Variants in IGF2R observed in about 807,000 individuals in gnomAD.
IGF2R encodes the protein insulin like growth factor 2 receptor.
A neutral mutation model predicts 270.6 loss-of-function variants in IGF2R; 91 were observed. The observed-to-expected ratio is 0.34, with a 90% CI of 0.28 to 0.40. IGF2R has a LOEUF of 0.40. Ranked by LOEUF, IGF2R falls within the 10% of genes least tolerant of loss-of-function variation. The probability of loss-of-function intolerance (pLI) is 1.00; values close to 1 mark genes in which losing one functional copy is unlikely to be tolerated. For synonymous variants in IGF2R, 1,316 were observed against 1,258.9 expected (o/e 1.05, Z -0.96); for missense variants, 2,805 against 3,188.3 (o/e 0.88, Z 2.90).
Position 160,105,105 on chromosome 6 carries a change from A to G in IGF2R, c.*21A>G. On this transcript the variant is annotated 3_prime_UTR_variant, in exon 48 of 48. Coordinates refer to ENST00000356956, the MANE Select transcript of IGF2R (RefSeq NM_000876.4). ...TCTGACTCCGCAGTGCCTGCAGGGGAGCACGGAGCCGCGGGACAGCCAAGC... is the reference window on the plus strand; with the variant it reads ...TCTGACTCCGCAGTGCCTGCAGGGGGGCACGGAGCCGCGGGACAGCCAAGC... 6.6e-7 allele frequency: 1 copy of G among 1,510,644 alleles called. No homozygotes were observed. Among genetic ancestry groups the G allele is most frequent in the Non-Finnish European group, 8.9e-7 (1 of 1,127,646 alleles). 93.6% of individuals were successfully genotyped at this position (1,510,644 alleles called of 1,614,324 possible).
At chr6:160,032,903 A>G in intron 8 of IGF2R, 39 bp from the exon 9 acceptor site, 8 of 1,526,146 alleles carry the variant, frequency 5.2e-6, no homozygotes, top group South Asian at 3.5e-5. Context: ...ACCTATTCAT[A>G]TAAAACAAGC....
chr6:160,033,585 A>G (rs1002783187), intron 9 of IGF2R, among the ~76,000 whole-genome samples: 15 of 152,276 alleles, frequency 9.9e-5, no homozygotes, highest in African/African-American at 3.6e-4. Context: ...TTGTCACTAA[A>G]CAATCAAATG....
intron 1 of IGF2R, among the ~76,000 whole-genome samples, chr6:159,978,764 C>T (rs1035654175): frequency 1.3e-5 from 2 of 152,320 alleles, no homozygotes; most frequent in African/African-American, 4.8e-5. Context: ...CCTGTGACTC[C>T]TCCAGGGTGG....
chr6:160,042,413 G>T (rs527281075), intron 11 of IGF2R, among the ~76,000 whole-genome samples: 2 of 152,298 alleles, frequency 1.3e-5, no homozygotes, highest in African/African-American at 4.8e-5. Context: ...AAATGAGAAC[G>T]TGTATTTTTA....
At chr6:160,073,544 C>T in intron 34 of IGF2R, 75 bp downstream of exon 34, 1 of 1,535,158 alleles carries the variant, frequency 6.5e-7, no homozygotes. Context: ...GTCAGGTTCA[C>T]TTGCCCACTA....
Position 160,063,364 on chromosome 6 carries a change from T to G in IGF2R, c.3671-51T>G, listed in dbSNP as rs1260815383. 3 of 1,392,222 alleles carry G rather than the reference T, an allele frequency of 2.2e-6. No individual in the cohort carries two copies. In the South Asian group the frequency reaches 3.5e-5, roughly 16 times the overall value. 86.2% of individuals were successfully genotyped at this position (1,392,222 alleles called of 1,614,324 possible). On this transcript the variant is annotated intron_variant, in intron 26 of 47. Coordinates refer to ENST00000356956, the MANE Select transcript of IGF2R (RefSeq NM_000876.4). ...TTGTAAAGCTTTTTGCTTGAAAATG[T>G]GAATGCGTGTGTGGTTGCAGTTGCC...
At position 160,071,966 on chromosome 6, in the gene IGF2R, G is replaced by T; in HGVS notation, c.4500G>T (p.Trp1500Cys). Residue 1500 changes from tryptophan to cysteine, a missense_variant, in exon 32 of 48, where the codon TGG becomes TGT. Trp to Cys is a radical substitution (Grantham distance 215). Around this residue, in one of 2 missense-constraint regions of IGF2R, gnomAD observed 1,851 missense variants for 2,207.2 expected, o/e 0.84. Transcript: ENST00000356956. ...AGGACTGTGAGTACACCTTTGCCTG[G>T]CCCACAGCCACAGCCTGTCCCATGA... is the stretch of plus-strand genomic sequence containing the variant. ...AVEDCEYTFA[W>C]PTATACPMKS... 6.2e-7 allele frequency: 1 copy of T among 1,614,134 alleles called. No individual in the cohort carries two copies. The highest frequency in any genetic ancestry group is 8.5e-7 in the Non-Finnish European group (1 of 1,180,006).
intron 2 of IGF2R, among the ~76,000 whole-genome samples, chr6:159,999,938 C>T (rs1784103846): frequency 6.6e-6 from 1 of 152,144 alleles, no homozygotes; most frequent in Non-Finnish European, 1.5e-5. Flanking sequence ...TTATTACATA[C>T]CTTTTAATGA....
chr6:159,980,211 GAAAGAAAGAA>G (rs1554234642), intron 1 of IGF2R, among the ~76,000 whole-genome samples: 3 of 78,410 alleles, frequency 3.8e-5, no homozygotes, highest in Non-Finnish European at 8.2e-5. Flanking sequence ...AAGAAAGAAA[GAAAGAAAGAA>G]AGAAAGAAAG....
chr6:160,096,424 C>G lies in IGF2R; in HGVS notation c.6656-15C>G, dbSNP rs747486200. ...ATGATGGTGACATGCCATGTGTGCC[C>G]TTCCCGTTTGACAGACGGCGATCTC... On this transcript the variant is annotated splice_polypyrimidine_tract_variant and intron_variant, in intron 44 of 47. Coordinates refer to ENST00000356956, the MANE Select transcript of IGF2R (RefSeq NM_000876.4). The G allele has an allele frequency of 6.2e-7, 1 of 1,604,484 alleles. No individual in the cohort carries two copies. Among genetic ancestry groups the G allele is most frequent in the South Asian group, 1.1e-5 (1 of 89,824 alleles).
intron 1 of IGF2R, among the ~76,000 whole-genome samples, chr6:159,988,245 G>T (rs1783919310): frequency 1.3e-5 from 2 of 152,064 alleles, no homozygotes; most frequent in Admixed American, 6.5e-5. Flanking sequence ...GCCGGGCGCG[G>T]TGGCTCACGC....
At chr6:160,018,612 AC>A (rs1277238391) in intron 4 of IGF2R, among the ~76,000 whole-genome samples, 2 of 152,178 alleles carry the variant, frequency 1.3e-5, no homozygotes, top group African/African-American at 4.8e-5. Flanking sequence ...CCAAAATGAT[AC>A]CAAGTATCTT....
chr6:160,091,703 G>A (rs1033838756), intron 44 of IGF2R, among the ~76,000 whole-genome samples: 1 of 152,226 alleles, frequency 6.6e-6, no homozygotes, highest in Non-Finnish European at 1.5e-5. Flanking sequence ...AGAATCAGAT[G>A]TTGCATGTCA....
At chr6:160,043,842 T>C (rs1778002077) in intron 12 of IGF2R, among the ~76,000 whole-genome samples, 1 of 152,256 alleles carries the variant, frequency 6.6e-6, no homozygotes, top group Non-Finnish European at 1.5e-5. Context: ...GCTATGAGAA[T>C]AGTGAGAATC....
At position 159,991,371 on chromosome 6, in the gene IGF2R, ATTTTGC is replaced by A; in HGVS notation, c.289+49_289+54del. 8 of 1,582,406 alleles carry A rather than the reference ATTTTGC, an allele frequency of 5.1e-6. No individual in the cohort carries two copies. The Admixed American group carries it at 5.4e-5, about 11-fold the overall frequency. On this transcript the variant is annotated intron_variant, in intron 2 of 47. Transcript: ENST00000356956. Reference sequence around the variant, plus strand: ...ACTGGATTGGCAATATGATTCCCCAATTTTGCAAAAATGACTGTGTATAGCTATACG... The same window carrying A: ...ACTGGATTGGCAATATGATTCCCCAAAAAAATGACTGTGTATAGCTATACG...
intron 1 of IGF2R, among the ~76,000 whole-genome samples, chr6:159,974,040 G>A (rs755789516): frequency 2.0e-5 from 3 of 152,150 alleles, no homozygotes; most frequent in Non-Finnish European, 4.4e-5. Flanking sequence ...GGAGGTGGGC[G>A]TAGCAGCTGT....
intron 31 of IGF2R, among the ~76,000 whole-genome samples, chr6:160,070,519 G>A (rs1211506993): frequency 2.6e-5 from 4 of 152,200 alleles, no homozygotes; most frequent in Admixed American, 2.6e-4. Context: ...CCCATTGCAG[G>A]GTTTCGAGAG....
At position 160,090,113 on chromosome 6, in the gene IGF2R, G is replaced by T. The variant is rs755888830; in HGVS notation, c.6655+10G>T. 5.6e-6 allele frequency: 8 copies of T among 1,431,482 alleles called. No individual in the cohort carries two copies. In the South Asian group the frequency reaches 1.2e-4, roughly 22 times the overall value. 88.7% of individuals were successfully genotyped at this position (1,431,482 alleles called of 1,614,324 possible). ...AAGTACTACCTTCAAGGTAATCCGT[G>T]GCTTCCCACAAAGTTCCACATTTAA... On this transcript the variant is annotated intron_variant, in intron 44 of 47. Coordinates refer to ENST00000356956, the MANE Select transcript of IGF2R (RefSeq NM_000876.4).
intron 1 of IGF2R, among the ~76,000 whole-genome samples, chr6:159,979,830 G>C (rs190976507): frequency 6.6e-6 from 1 of 152,320 alleles, no homozygotes; most frequent in East Asian, 1.9e-4. Flanking sequence ...GATCACAGAG[G>C]CTGTGGGACT....
Sources: gnomAD v4.1 joint callset for allele counts (sites outside exome capture counted in the v4.1 genomes callset) on GRCh38, gnomAD v4.1.1 for gene constraint, gnomAD v4.1.1 regional missense constraint, MANE v1.5 for transcripts, NCBI Gene and HGNC (gene_info 2026-07-23, HGNC 2026-07-21) for gene names.